Variants in CCNB2 observed in about 807,000 individuals in gnomAD.
CCNB2 encodes the protein cyclin B2, also known as G2/mitotic-specific cyclin-B2.
A neutral mutation model predicts 51.1 loss-of-function variants in CCNB2; 39 were observed. The ratio of observed to expected loss-of-function variants is 0.76; its 90% CI spans 0.59 to 1.00. The LOEUF is 1.00. Ranked by LOEUF, CCNB2 falls within the 50% of genes least tolerant of loss-of-function variation. The pLI is 0.00. For missense variants in CCNB2, 472 were observed against 470.3 expected, an observed-to-expected ratio of 1.00 and a Z score of -0.03; for synonymous variants, 174 against 165.5, an observed-to-expected ratio of 1.05 and a Z score of -0.40.
intron 3 of CCNB2, 59 bp downstream of exon 3, chr15:59,107,729 A>G (rs766965779): frequency 1.5e-6 from 2 of 1,300,888 alleles, no homozygotes; most frequent in Non-Finnish European, 1.1e-6. Flanking sequence ...TAGCCAGACT[A>G]CAAGGGTGCC....
intron 5 of CCNB2, among the ~76,000 whole-genome samples, chr15:59,115,271 A>G (rs1377054746): frequency 6.6e-6 from 1 of 152,140 alleles, no homozygotes; most frequent in Non-Finnish European, 1.5e-5. Context: ...CATCTGAAAA[A>G]CGATGAGTTT....
At chr15:59,107,781 G>A in intron 3 of CCNB2, 111 bp downstream of exon 3, 1 of 758,106 alleles carries the variant, frequency 1.3e-6, no homozygotes, top group Non-Finnish European at 2.2e-6. Context: ...CATAGCTGGA[G>A]CTCTGCTTTG....
rs2079230284 is a variant in CCNB2, at chr15:59,105,199, C to T, written c.-70C>T. On this transcript the variant is annotated 5_prime_UTR_variant, in exon 1 of 9. Transcript: ENST00000288207. ...AGCAGTCCTAACGGCGCCTCGTACG[C>T]TAGTGTCCTCCCTTTTCAGTCCGCG... The T allele has an allele frequency of 4.8e-6, 7 of 1,467,100 alleles. No individual in the cohort carries two copies. Among genetic ancestry groups the T allele is most frequent in the Middle Eastern group, 1.7e-4 (1 of 5,834 alleles). The allele number at this position is 1,467,100 out of a possible 1,614,324, so 90.9% of individuals were successfully genotyped here.
intron 3 of CCNB2, among the ~76,000 whole-genome samples, chr15:59,108,464 C>T (rs1474797331): frequency 6.6e-6 from 1 of 152,120 alleles, no homozygotes; most frequent in South Asian, 2.1e-4. Context: ...CAGATCTTCC[C>T]TAAGCGCCTA....
At chr15:59,117,155 G>A in intron 6 of CCNB2, 73 bp from the exon 7 acceptor site, 1 of 1,468,232 alleles carries the variant, frequency 6.8e-7, no homozygotes, top group Non-Finnish European at 9.4e-7. Flanking sequence ...GGAGTTCCTA[G>A]GCCTTCACGC....
intron 1 of CCNB2, among the ~76,000 whole-genome samples, chr15:59,105,502 T>G (rs1276051561): frequency 2.0e-5 from 3 of 151,946 alleles, no homozygotes; most frequent in Non-Finnish European, 2.9e-5. Flanking sequence ...CCCTAACCCC[T>G]CCCTGCCCCG....
chr15:59,105,191 C>T lies in CCNB2; in HGVS notation c.-78C>T, dbSNP rs2079230212. 2.7e-5 allele frequency: 38 copies of T among 1,407,992 alleles called. No homozygotes were observed. The highest frequency in any genetic ancestry group is 3.5e-5 in the Non-Finnish European group (36 of 1,024,960). 87.2% of individuals were successfully genotyped at this position (1,407,992 alleles called of 1,614,324 possible). On this transcript the variant is annotated 5_prime_UTR_variant, in exon 1 of 9. Transcript: ENST00000288207. Reference sequence around the variant, plus strand: ...GCTCGGAGAGCAGTCCTAACGGCGCCTCGTACGCTAGTGTCCTCCCTTTTC... The same window carrying T: ...GCTCGGAGAGCAGTCCTAACGGCGCTTCGTACGCTAGTGTCCTCCCTTTTC...
intron 3 of CCNB2, among the ~76,000 whole-genome samples, chr15:59,113,634 T>C (rs1456959374): frequency 6.6e-6 from 1 of 152,156 alleles, no homozygotes; most frequent in Non-Finnish European, 1.5e-5. Context: ...ATATTAACTA[T>C]AGAATTTTAG....
chr15:59,122,703 AT>A (rs1339718320), intron 7 of CCNB2, among the ~76,000 whole-genome samples: 1 of 151,356 alleles, frequency 6.6e-6, no homozygotes, highest in East Asian at 2.0e-4. Flanking sequence ...AGCTTGGCTA[AT>A]TTTTCATTTT....
Position 59,105,344 on chromosome 15 carries a change from T to G in CCNB2, c.24+52T>G, listed in dbSNP as rs1260275094. 3 of 1,531,568 alleles carry G rather than the reference T, an allele frequency of 2.0e-6. No individual in the cohort carries two copies. In the African/African-American group the frequency reaches 4.1e-5, roughly 21 times the overall value. 94.9% of individuals were successfully genotyped at this position (1,531,568 alleles called of 1,614,324 possible). On this transcript the variant is annotated intron_variant, in intron 1 of 8. Transcript: ENST00000288207. ...GAGGCGAGTCCGTCGGCCCCACAGC[T>G]CCCCTGTCGCTTCTCTCATCTGCTC...
At chr15:59,124,391 C>T (rs1009879051) in intron 8 of CCNB2, 7 of 238,524 alleles carry the variant, frequency 2.9e-5, no homozygotes, top group Non-Finnish European at 5.0e-5. Context: ...CTTTTATTGT[C>T]TTTTATTGTC....
intron 3 of CCNB2, among the ~76,000 whole-genome samples, chr15:59,109,632 A>G (rs1377896766): frequency 6.6e-6 from 1 of 152,202 alleles, no homozygotes; most frequent in Non-Finnish European, 1.5e-5. Context: ...CAGAATATTG[A>G]TGGTAGTTAT....
chr15:59,110,734 C>T (rs2079254259), intron 3 of CCNB2, among the ~76,000 whole-genome samples: 1 of 152,208 alleles, frequency 6.6e-6, no homozygotes, highest in African/African-American at 2.4e-5. Flanking sequence ...ACAACTGAAT[C>T]ACAAAGTGCC....
At position 59,107,633 on chromosome 15, in the gene CCNB2, C is replaced by T. The variant is rs144091405; in HGVS notation, c.230C>T (p.Ser77Phe). Residue 77 changes from serine to phenylalanine, a missense_variant, in exon 3 of 9, where the codon TCT becomes TTT. Coordinates refer to ENST00000288207, the MANE Select transcript of CCNB2 (RefSeq NM_004701.4). ...AACAAACAACTGAAACCTACTGCTT[C>T]TGTCAAACCAGTACAGATGGAAAAG... is the stretch of plus-strand genomic sequence containing the variant. Reference protein sequence around the residue: ...NVNKQLKPTASVKPVQMEKLA... With the variant: ...NVNKQLKPTAFVKPVQMEKLA... 1.2e-6 allele frequency: 2 copies of T among 1,614,056 alleles called. No homozygotes were observed. The highest frequency in any genetic ancestry group is 2.2e-5 in the East Asian group (1 of 44,896).
At position 59,116,621 on chromosome 15, in the gene CCNB2, C is replaced by A. The variant is rs28383540; in HGVS notation, c.598-69C>A. On this transcript the variant is annotated intron_variant, in intron 5 of 8. Coordinates refer to ENST00000288207, the MANE Select transcript of CCNB2 (RefSeq NM_004701.4). ...ACTTTTCCAGGACTTGGTTTCCTTT[C>A]CCCTTCTCCCACCTAAAGCTTCACT... 1.7e-4 allele frequency: 192 copies of A among 1,099,394 alleles called. No homozygotes were observed. The African/African-American group carries it at 2.8e-3, about 16-fold the overall frequency. 68.1% of individuals were successfully genotyped at this position (1,099,394 alleles called of 1,614,324 possible).
At chr15:59,108,552 T>C (rs1178951513) in intron 3 of CCNB2, among the ~76,000 whole-genome samples, 1 of 110,592 alleles carries the variant, frequency 9.0e-6, no homozygotes, top group Non-Finnish European at 1.8e-5. Context: ...TCTTTCATCT[T>C]GTATTTAGGA....
chr15:59,123,557 A>C lies in CCNB2; in HGVS notation c.1016A>C (p.Glu339Ala). The C allele has an allele frequency of 6.2e-7, 1 of 1,613,496 alleles. No individual in the cohort carries two copies. Among genetic ancestry groups the C allele is most frequent in the South Asian group, 1.1e-5 (1 of 91,058 alleles). ...TATTACACAGGATACACAGAGAATG[A>C]AGTATTGGAAGTCATGCAGCACATG... Reference protein sequence around the residue: ...QQYYTGYTENEVLEVMQHMAK... With the variant: ...QQYYTGYTENAVLEVMQHMAK... The change falls in exon 8 of 9, where the codon GAA (glutamate) becomes GCA (alanine). Residue 339 changes from glutamate (E) to alanine (A), a missense_variant. Glu to Ala is a moderately radical substitution (Grantham distance 107). Coordinates refer to ENST00000288207, the MANE Select transcript of CCNB2 (RefSeq NM_004701.4).
intron 3 of CCNB2, among the ~76,000 whole-genome samples, 200 bp from the exon 4 acceptor site, chr15:59,114,244 A>AT (rs1160712951): frequency 6.6e-6 from 1 of 152,218 alleles, no homozygotes; most frequent in Admixed American, 6.5e-5. Context: ...GTTTGAGTGA[A>AT]ATTAGAGAGT....
chr15:59,119,107 T>C (rs1248476941), intron 7 of CCNB2, among the ~76,000 whole-genome samples: 1 of 152,142 alleles, frequency 6.6e-6, no homozygotes, highest in African/African-American at 2.4e-5. Flanking sequence ...TTTATTGACT[T>C]TATAATACAG....
Sources: allele counts gnomAD v4.1 joint callset (sites outside exome capture counted in the v4.1 genomes callset), GRCh38; gene constraint gnomAD v4.1.1; transcripts MANE v1.5; gene names NCBI Gene and HGNC (gene_info 2026-07-23, HGNC 2026-07-21).